Variants in PLEKHG1 observed in about 807,000 individuals in gnomAD.
The protein encoded by PLEKHG1 is pleckstrin homology and RhoGEF domain containing G1.
PLEKHG1 carries 44 observed loss-of-function variants against 100.8 expected under a neutral mutation model. The observed-to-expected ratio is 0.44, with a 90% CI of 0.34 to 0.56. The LOEUF (loss-of-function observed/expected upper bound fraction) is 0.56. Among genes scored for constraint, PLEKHG1 ranks in the 20% least tolerant of loss-of-function variants. The probability of loss-of-function intolerance (pLI) is 0.01; values close to 1 mark genes in which losing one functional copy is unlikely to be tolerated. For synonymous variants in PLEKHG1, 640 were observed against 662.5 expected, an observed-to-expected ratio of 0.97 and a Z score of 0.52; for missense variants, 1,545 against 1,720.9, an observed-to-expected ratio of 0.90 and a Z score of 1.81.
chr6:150,657,716 A>G (rs993414317), intron 3 of PLEKHG1, among the ~76,000 whole-genome samples: 5 of 152,220 alleles, frequency 3.3e-5, no homozygotes, highest in Non-Finnish European at 5.9e-5. Context: ...ACCAGATAGA[A>G]TGTCATAGCC....
chr6:150,809,378 T>G lies in PLEKHG1; in HGVS notation c.1096-3T>G, dbSNP rs548950535. 6.2e-7 allele frequency: 1 copy of G among 1,613,540 alleles called. No homozygotes were observed. Among genetic ancestry groups the G allele is most frequent in the African/African-American group, 1.3e-5 (1 of 75,044 alleles). ...CTCACCCTCTCTGCTCTCTCTGCTCTAGTGTGGCAACCTCATGCTTGTGGA... is the reference window on the plus strand; with the variant it reads ...CTCACCCTCTCTGCTCTCTCTGCTCGAGTGTGGCAACCTCATGCTTGTGGA... On this transcript the variant is annotated splice_region_variant and splice_polypyrimidine_tract_variant and intron_variant, in intron 8 of 15. Transcript: ENST00000358517.
intron 3 of PLEKHG1, among the ~76,000 whole-genome samples, chr6:150,653,444 A>G (rs1160872393): frequency 6.6e-6 from 1 of 152,128 alleles, no homozygotes; most frequent in Non-Finnish European, 1.5e-5. Context: ...ATGCCAAAAA[A>G]AAAATAAAAG....
At chr6:150,712,673 G>A (rs573206589) in intron 3 of PLEKHG1, among the ~76,000 whole-genome samples, 5 of 152,242 alleles carry the variant, frequency 3.3e-5, no homozygotes, top group East Asian at 3.9e-4. Context: ...GTTACTTCAT[G>A]TACCTCTGTG....
chr6:150,840,086 A>G (rs1425251514), exon 16 of PLEKHG1: 2 of 1,614,194 alleles, frequency 1.2e-6, no homozygotes, highest in Non-Finnish European at 1.7e-6. Flanking sequence ...AGATCAATAC[A>G]AAAAGTACTC....
At chr6:150,819,696 T>A (rs772751649) in exon 12 of PLEKHG1, 1 of 1,609,568 alleles carries the variant, frequency 6.2e-7, no homozygotes, top group Admixed American at 1.7e-5. Flanking sequence ...AGGCTTCTGT[T>A]ACAGTCCTGA....
chr6:150,806,144 G>T (rs776160561), intron 7 of PLEKHG1, among the ~76,000 whole-genome samples: 3 of 149,666 alleles, frequency 2.0e-5, no homozygotes, highest in African/African-American at 7.3e-5. Flanking sequence ...TAGGTTTCAG[G>T]TATAGGCAGC....
intron 1 of PLEKHG1, among the ~76,000 whole-genome samples, chr6:150,628,527 AAC>A (rs565121317): frequency 0.15 from 13,889 of 94,684 alleles, 890 homozygotes; most frequent in South Asian, 0.27. Context: ...TAGATAGGAA[AAC>A]ACACACACAC....
chr6:150,612,667 T>C (rs1776904167), intron 1 of PLEKHG1, among the ~76,000 whole-genome samples: 1 of 152,106 alleles, frequency 6.6e-6, no homozygotes, highest in African/African-American at 2.4e-5. Flanking sequence ...TTCTAACGGT[T>C]CAACCCAAAG....
chr6:150,702,445 G>A (rs541248397), intron 3 of PLEKHG1, among the ~76,000 whole-genome samples: 1 of 151,278 alleles, frequency 6.6e-6, no homozygotes, highest in East Asian at 2.0e-4. Flanking sequence ...ACTCCAGCCA[G>A]GGTGACAGAG....
At chr6:150,766,999 T>G (rs1784484871) in intron 2 of PLEKHG1, among the ~76,000 whole-genome samples, 1 of 152,214 alleles carries the variant, frequency 6.6e-6, no homozygotes, top group Non-Finnish European at 1.5e-5. Context: ...TAATTTTGTG[T>G]ACAATATGCC....
upstream of PLEKHG1, among the ~76,000 whole-genome samples, chr6:150,717,590 C>A (rs543735895): frequency 6.6e-6 from 1 of 152,298 alleles, no homozygotes; most frequent in Non-Finnish European, 1.5e-5. Context: ...GCTATAGTTA[C>A]GTCCTGTGGG....
intron 5 of PLEKHG1, among the ~76,000 whole-genome samples, chr6:150,797,360 C>T (rs1786405795): frequency 6.6e-6 from 1 of 152,088 alleles, no homozygotes; most frequent in South Asian, 2.1e-4. Flanking sequence ...CCCAGAAAGC[C>T]AGTGTGGATT....
chr6:150,833,044 T>C (rs1777038502), intron 15 of PLEKHG1, among the ~76,000 whole-genome samples: 1 of 23,182 alleles, frequency 4.3e-5, no homozygotes, highest in African/African-American at 7.6e-5. Context: ...TACTACTCAA[T>C]TTTTTTTTTT....
intron 2 of PLEKHG1, chr6:150,638,275 G>A (rs1778100702): frequency 6.6e-6 from 1 of 152,268 alleles, no homozygotes; most frequent in Non-Finnish European, 1.5e-5. Flanking sequence ...GTGTCTTATG[G>A]CTCCCTGGAA....
chr6:150,641,250 A>G (rs1021990953), intron 2 of PLEKHG1, among the ~76,000 whole-genome samples: 1 of 152,216 alleles, frequency 6.6e-6, no homozygotes, highest in Admixed American at 6.5e-5. Flanking sequence ...AAAATAAACA[A>G]GTTTAATATA....
chr6:150,733,641 A>G, exon 2 of PLEKHG1: 1 of 1,614,096 alleles, frequency 6.2e-7, no homozygotes, highest in Non-Finnish European at 8.5e-7. Context: ...CCACATCCCA[A>G]GACGACAGCC....
At chr6:150,817,461 A>C (rs1382915159) in intron 10 of PLEKHG1, among the ~76,000 whole-genome samples, 1 of 152,126 alleles carries the variant, frequency 6.6e-6, no homozygotes, top group African/African-American at 2.4e-5. Context: ...TTACAAGGCC[A>C]TAGTGTCATG....
chr6:150,819,151 T>C (rs2128677356), intron 11 of PLEKHG1, among the ~76,000 whole-genome samples: 1 of 149,170 alleles, frequency 6.7e-6, no homozygotes, highest in African/African-American at 2.5e-5. Flanking sequence ...GTGTGGTGGC[T>C]CACGCCTGTC....
At chr6:150,783,743 T>C (rs924249139) in intron 3 of PLEKHG1, among the ~76,000 whole-genome samples, 5 of 152,070 alleles carry the variant, frequency 3.3e-5, no homozygotes, top group African/African-American at 1.2e-4. Flanking sequence ...CTGAAAAAGC[T>C]TTTTTGTTTA....
Sources: allele counts gnomAD v4.1 joint callset (sites outside exome capture counted in the v4.1 genomes callset), GRCh38; gene constraint gnomAD v4.1.1; transcripts MANE v1.5; gene names NCBI Gene and HGNC (gene_info 2026-07-23, HGNC 2026-07-21).